TBC1D9: variants seen among roughly 807,000 people sequenced by gnomAD.
TBC1D9 encodes TBC1 domain family member 9A.
TBC1D9 carries 63 observed loss-of-function variants against 132.0 expected under a neutral mutation model. That is an observed-to-expected ratio of 0.48 (90% CI 0.39 to 0.59). TBC1D9 has a LOEUF of 0.59. Among genes scored for constraint, TBC1D9 ranks in the 20% least tolerant of loss-of-function variants. TBC1D9 has a pLI of 0.00. For synonymous variants in TBC1D9, 610 were observed against 609.9 expected (o/e 1.00, Z 0.00); for missense variants, 1,261 against 1,592.7 (o/e 0.79, Z 3.54).
Position 140,679,637 on chromosome 4 carries a change from A to G in TBC1D9, c.567T>C (p.Tyr189=). Residue 189 remains tyrosine, a synonymous_variant, in exon 4 of 21, where the codon TAT becomes TAC. Coordinates refer to ENST00000442267, the MANE Select transcript of TBC1D9 (RefSeq NM_015130.3). ...TACCTTCCCTTCCCATAAGAAAAGA[A>G]TAAAAGCAAAGGTGGTTAATGCTGA... ...MYLSINHLCF[Y]SFLMGREAKL... is the part of the protein sequence containing the mutation. The G allele has an allele frequency of 1.2e-6, 2 of 1,613,584 alleles. No individual in the cohort carries two copies. Among genetic ancestry groups the G allele is most frequent in the Non-Finnish European group, 1.7e-6 (2 of 1,179,674 alleles).
At chr4:140,677,274 C>T (rs556730085) in intron 5 of TBC1D9, among the ~76,000 whole-genome samples, 173 bp from the exon 6 acceptor site, 11 of 152,224 alleles carry the variant, frequency 7.2e-5, no homozygotes, top group African/African-American at 1.2e-4. Context: ...GACCCAAAAG[C>T]GTAATAAAAT....
At chr4:140,697,055 AT>A (rs1354337206) in intron 2 of TBC1D9, among the ~76,000 whole-genome samples, 3 of 152,166 alleles carry the variant, frequency 2.0e-5, no homozygotes, top group African/African-American at 4.8e-5. Context: ...AGTAACTTGG[AT>A]TTTAAATGGA....
intron 16 of TBC1D9, among the ~76,000 whole-genome samples, chr4:140,633,146 C>T (rs957794442): frequency 1.3e-5 from 2 of 152,216 alleles, no homozygotes; most frequent in Admixed American, 6.5e-5. Context: ...CTATGCCTGA[C>T]ATTTTCTCTT....
At chr4:140,649,910 G>T (rs1445976709) in intron 13 of TBC1D9, among the ~76,000 whole-genome samples, 1 of 152,144 alleles carries the variant, frequency 6.6e-6, no homozygotes, top group African/African-American at 2.4e-5. Context: ...TCATAACTCT[G>T]CCAGAAGTGG....
At chr4:140,666,946 G>A (rs1335767604) in intron 9 of TBC1D9, among the ~76,000 whole-genome samples, 1 of 152,174 alleles carries the variant, frequency 6.6e-6, no homozygotes, top group African/African-American at 2.4e-5. Flanking sequence ...CACCACTCAC[G>A]CTGGCCCTGG....
At chr4:140,683,797 C>A (rs531999094) in intron 3 of TBC1D9, among the ~76,000 whole-genome samples, 9 of 152,344 alleles carry the variant, frequency 5.9e-5, no homozygotes, top group Admixed American at 1.3e-4. Flanking sequence ...ACAATATCTA[C>A]TAAGGTCTAT....
intron 1 of TBC1D9, among the ~76,000 whole-genome samples, chr4:140,736,870 T>C (rs1738680873): frequency 2.6e-5 from 4 of 152,336 alleles, no homozygotes; most frequent in Admixed American, 2.6e-4. Flanking sequence ...TCCATTCCCC[T>C]GTGGGGAAGC....
At chr4:140,700,338 T>C (rs1397284013) in intron 2 of TBC1D9, among the ~76,000 whole-genome samples, 1 of 151,098 alleles carries the variant, frequency 6.6e-6, no homozygotes, top group Admixed American at 6.6e-5. Flanking sequence ...TAATCCCAGC[T>C]ACTTGGGAGG....
At chr4:140,719,769 T>C (rs1738394681) in intron 1 of TBC1D9, among the ~76,000 whole-genome samples, 1 of 152,174 alleles carries the variant, frequency 6.6e-6, no homozygotes, top group Non-Finnish European at 1.5e-5. Context: ...CAAGGGTACA[T>C]AGCTCAAGGG....
intron 1 of TBC1D9, among the ~76,000 whole-genome samples, chr4:140,750,252 T>C (rs948286240): frequency 6.6e-6 from 1 of 152,052 alleles, no homozygotes; most frequent in Non-Finnish European, 1.5e-5. Context: ...TAAGAGTATG[T>C]ACAATTGCCA....
In TBC1D9 at chr4:140,755,992, C is replaced by G; in HGVS notation, c.54G>C (p.Glu18Asp). 10 of 1,609,540 alleles carry G rather than the reference C, an allele frequency of 6.2e-6. 1 individual carries two copies. The South Asian group carries it at 1.1e-4, about 18-fold the overall frequency. ...VLLANALWITERANPYFILQR... is the reference protein window; with the variant it reads ...VLLANALWITDRANPYFILQR... ...GCAGGATGAAGTATGGGTTGGCCCT[C>G]TCGGTGATCCACAGCGCGTTGGCCA... Residue 18 changes from glutamate (E) to aspartate (D), a missense_variant, in exon 1 of 21, where the codon GAG becomes GAC. Around this residue, in one of 3 missense-constraint regions of TBC1D9, gnomAD observed 550 missense variants for 699.0 expected, o/e 0.79. Transcript: ENST00000442267.
intron 12 of TBC1D9, 100 bp from the exon 13 acceptor site, chr4:140,657,326 G>A: frequency 6.9e-7 from 1 of 1,443,296 alleles, no homozygotes; most frequent in Non-Finnish European, 9.4e-7. Context: ...TTAAAACAAA[G>A]GACTAGAGTT....
intron 17 of TBC1D9, 75 bp downstream of exon 17, chr4:140,628,225 G>T (rs967446245): frequency 2.3e-6 from 3 of 1,301,470 alleles, no homozygotes; most frequent in Non-Finnish European, 3.3e-6. Flanking sequence ...AGGACGATCA[G>T]GTTACACCTA....
chr4:140,668,854 GGGAGGCCCT>G, intron 9 of TBC1D9, 54 bp downstream of exon 9: 2 of 1,576,608 alleles, frequency 1.3e-6, no homozygotes. Context: ...TGAAGGCACA[GGGAGGCCCT>G]GGTGTGGAGT....
chr4:140,722,134 G>A (rs1367630322), intron 1 of TBC1D9, among the ~76,000 whole-genome samples: 2 of 152,162 alleles, frequency 1.3e-5, no homozygotes. Context: ...CCTATGGGGG[G>A]TGAGAAAATG....
At position 140,639,156 on chromosome 4, in the gene TBC1D9, T is replaced by C; in HGVS notation, c.2437-2A>G. Reference sequence around the variant, plus strand: ...AGTTTCTGTCACAATGGTTCGTACCTATAAAAATATTAAGCAAAATGAATT... The same window carrying C: ...AGTTTCTGTCACAATGGTTCGTACCCATAAAAATATTAAGCAAAATGAATT... On this transcript the variant is annotated splice_acceptor_variant, in intron 14 of 20. Coordinates refer to ENST00000442267, the MANE Select transcript of TBC1D9 (RefSeq NM_015130.3). LOFTEE classifies it high-confidence loss of function. 1 of 1,570,490 alleles carries C rather than the reference T, an allele frequency of 6.4e-7. No homozygotes were observed. Among genetic ancestry groups the C allele is most frequent in the Non-Finnish European group, 8.7e-7 (1 of 1,155,690 alleles).
At chr4:140,685,948 A>G (rs1309819944) in intron 3 of TBC1D9, among the ~76,000 whole-genome samples, 1 of 151,586 alleles carries the variant, frequency 6.6e-6, no homozygotes, top group African/African-American at 2.4e-5. Context: ...TAACAACAAT[A>G]TATTGTCTAT....
chr4:140,648,808 G>A (rs1470435371), intron 13 of TBC1D9, among the ~76,000 whole-genome samples: 1 of 152,082 alleles, frequency 6.6e-6, no homozygotes, highest in Non-Finnish European at 1.5e-5. Context: ...CATCCTGCCT[G>A]CAGATGTTCC....
chr4:140,726,081 G>T (rs1344506591), intron 1 of TBC1D9, among the ~76,000 whole-genome samples: 1 of 152,026 alleles, frequency 6.6e-6, no homozygotes, highest in Non-Finnish European at 1.5e-5. Context: ...TTCAGGTCAG[G>T]ATTTCAAGAC....
Sources: allele counts gnomAD v4.1 joint callset (sites outside exome capture counted in the v4.1 genomes callset), GRCh38; gene constraint gnomAD v4.1.1; regional missense constraint gnomAD v4.1.1; transcripts MANE v1.5; gene names NCBI Gene and HGNC (gene_info 2026-07-23, HGNC 2026-07-21).